Variants in NEGR1 observed in about 807,000 individuals in gnomAD.
NEGR1 encodes IgLON family member 4.
Under a neutral mutation model 40.9 loss-of-function variants are expected in NEGR1, and 10 were observed. The observed-to-expected ratio is 0.24, with a 90% confidence interval of 0.15 to 0.42. The LOEUF (loss-of-function observed/expected upper bound fraction) is 0.42, where lower values mean the gene tolerates loss of function less well. Ranked by LOEUF, NEGR1 falls within the 10% of genes least tolerant of loss-of-function variation. NEGR1 has a pLI of 1.00. For missense variants in NEGR1, 352 were observed against 438.9 expected (o/e 0.80, Z 1.77); for synonymous variants, 185 against 166.8 (o/e 1.11, Z -0.84).
intron 1 of NEGR1, among the ~76,000 whole-genome samples, chr1:71,951,737 G>A (rs61765341): frequency 6.6e-6 from 1 of 151,808 alleles, no homozygotes; most frequent in East Asian, 1.9e-4. Flanking sequence ...CTTTTTACAA[G>A]GTTAAGCTTT....
intron 1 of NEGR1, among the ~76,000 whole-genome samples, chr1:72,037,861 A>G (rs1557495389): frequency 6.6e-6 from 1 of 151,872 alleles, no homozygotes; most frequent in Non-Finnish European, 1.5e-5. Flanking sequence ...GCTTATTTTT[A>G]TTTGCACCAT....
intron 6 of NEGR1, among the ~76,000 whole-genome samples, chr1:71,446,555 C>G (rs915066702): frequency 6.6e-6 from 1 of 152,056 alleles, no homozygotes; most frequent in Admixed American, 6.5e-5. Flanking sequence ...TCCCTATGAC[C>G]AATTTAAGTG....
intron 5 of NEGR1, among the ~76,000 whole-genome samples, chr1:71,610,677 T>G (rs1389041073): frequency 6.6e-6 from 1 of 152,240 alleles, no homozygotes; most frequent in Non-Finnish European, 1.5e-5. Flanking sequence ...CTATTGCTTT[T>G]GAAGTGCTCT....
At chr1:71,541,665 G>A (rs1014379301) in intron 6 of NEGR1, among the ~76,000 whole-genome samples, 2 of 151,698 alleles carry the variant, frequency 1.3e-5, no homozygotes, top group Non-Finnish European at 2.9e-5. Context: ...GGAACAGAAC[G>A]GGCTGTCAGA....
At chr1:72,244,763 C>T (rs1654853371) in intron 1 of NEGR1, among the ~76,000 whole-genome samples, 1 of 151,910 alleles carries the variant, frequency 6.6e-6, no homozygotes, top group South Asian at 2.1e-4. Flanking sequence ...ATATGTCTTT[C>T]TATTTAAAGA....
intron 1 of NEGR1, among the ~76,000 whole-genome samples, chr1:72,212,608 T>A (rs1461506099): frequency 6.6e-6 from 1 of 151,984 alleles, no homozygotes; most frequent in Non-Finnish European, 1.5e-5. Flanking sequence ...TAATTGTTCA[T>A]AAACTATTCT....
At chr1:72,014,278 A>T (rs1319587631) in intron 1 of NEGR1, among the ~76,000 whole-genome samples, 1 of 152,022 alleles carries the variant, frequency 6.6e-6, no homozygotes, top group African/African-American at 2.4e-5. Context: ...AGAAATTATC[A>T]TACTCTTCTC....
chr1:71,910,142 C>T (rs1018504554), intron 2 of NEGR1, among the ~76,000 whole-genome samples: 1 of 152,124 alleles, frequency 6.6e-6, no homozygotes, highest in Non-Finnish European at 1.5e-5. Flanking sequence ...TGAAGGTTTT[C>T]ATTCAGTCAA....
intron 1 of NEGR1, among the ~76,000 whole-genome samples, chr1:72,277,802 T>C (rs1354718953): frequency 6.6e-6 from 1 of 152,160 alleles, no homozygotes; most frequent in Non-Finnish European, 1.5e-5. Flanking sequence ...AAAGTTGAAC[T>C]GTGTATTTGG....
intron 5 of NEGR1, among the ~76,000 whole-genome samples, chr1:71,609,650 A>T (rs893001958): frequency 2.0e-4 from 30 of 151,572 alleles, no homozygotes; most frequent in African/African-American, 7.0e-4. Flanking sequence ...TTCCAGTTCC[A>T]GAAAAAAATA....
intron 6 of NEGR1, among the ~76,000 whole-genome samples, chr1:71,535,989 A>G (rs1177567458): frequency 6.6e-6 from 1 of 151,704 alleles, no homozygotes; most frequent in Non-Finnish European, 1.5e-5. Context: ...GAGTGAGTAA[A>G]TGTAGTTATT....
At chr1:71,866,841 A>T (rs1450021055) in intron 2 of NEGR1, among the ~76,000 whole-genome samples, 1 of 152,216 alleles carries the variant, frequency 6.6e-6, no homozygotes, top group African/African-American at 2.4e-5. Context: ...GTGTCAGAAG[A>T]TAAGAAAGGT....
chr1:72,203,973 A>C (rs539452071), intron 1 of NEGR1, among the ~76,000 whole-genome samples: 1 of 152,260 alleles, frequency 6.6e-6, no homozygotes, highest in Non-Finnish European at 1.5e-5. Flanking sequence ...CACTTAATAG[A>C]CTTCAGTGTA....
At chr1:71,840,755 A>C (rs1659208859) in intron 2 of NEGR1, among the ~76,000 whole-genome samples, 1 of 152,190 alleles carries the variant, frequency 6.6e-6, no homozygotes, top group African/African-American at 2.4e-5. Context: ...TGGTACCCAA[A>C]TATTTGGTCA....
rs1299245191 is a variant in NEGR1 at position 71,951,494 on chromosome 1, G to T, written c.177-16183C>A. Among the ~76,000 whole-genome samples the T allele has an allele frequency of 2.0e-5, 3 of 151,930 alleles. No individual in the cohort carries two copies. In the East Asian group the frequency reaches 5.8e-4, roughly 29 times the overall value. ...AATACTTCAAAATGAATTAAAGGTT[G>T]TTATTCTGAGATAGCGTCTGAGTCA... On this transcript the variant is annotated intron_variant, in intron 1 of 6. Coordinates refer to ENST00000357731, the MANE Select transcript of NEGR1 (RefSeq NM_173808.3).
At chr1:71,995,712 T>A (rs1366957257) in intron 1 of NEGR1, among the ~76,000 whole-genome samples, 1 of 152,208 alleles carries the variant, frequency 6.6e-6, no homozygotes, top group Non-Finnish European at 1.5e-5. Flanking sequence ...TTTCCATGTA[T>A]GAATAATTGT....
chr1:71,595,737 T>C (rs527734922), intron 5 of NEGR1, among the ~76,000 whole-genome samples: 3 of 152,224 alleles, frequency 2.0e-5, no homozygotes, highest in African/African-American at 7.2e-5. Flanking sequence ...CAGAAGGGTA[T>C]TTTGGTCACT....
chr1:71,868,105 T>A (rs1660169139), intron 2 of NEGR1, among the ~76,000 whole-genome samples: 1 of 152,168 alleles, frequency 6.6e-6, no homozygotes, highest in African/African-American at 2.4e-5. Context: ...ACGTTTTATA[T>A]AATCTTTGTC....
At chr1:72,111,960 T>G (rs1649387772) in intron 1 of NEGR1, among the ~76,000 whole-genome samples, 1 of 151,816 alleles carries the variant, frequency 6.6e-6, no homozygotes, top group South Asian at 2.1e-4. Context: ...GCTAAGTTGT[T>G]TCCACTTAGG....
Sources: gnomAD v4.1 joint callset for allele counts (sites outside exome capture counted in the v4.1 genomes callset) on GRCh38, gnomAD v4.1.1 for gene constraint, MANE v1.5 for transcripts, NCBI Gene and HGNC (gene_info 2026-07-23, HGNC 2026-07-21) for gene names.